PSMA3: variants seen among roughly 807,000 people sequenced by gnomAD.
The protein encoded by PSMA3 is proteasome 20S subunit alpha 3.
Under a neutral mutation model 40.0 loss-of-function variants are expected in PSMA3, and 8 were observed. The ratio of observed to expected loss-of-function variants is 0.20; its 90% CI spans 0.12 to 0.36. The LOEUF (loss-of-function observed/expected upper bound fraction) is 0.36. Ranked by LOEUF, PSMA3 falls within the 10% of genes least tolerant of loss-of-function variation. PSMA3 has a pLI of 1.00. For synonymous variants in PSMA3, 110 were observed against 100.0 expected (o/e 1.10, Z -0.59); for missense variants, 219 against 310.6 (o/e 0.70, Z 2.22).
At chr14:58,245,687 T>A (rs1269167361) in intron 1 of PSMA3, among the ~76,000 whole-genome samples, 1 of 152,236 alleles carries the variant, frequency 6.6e-6, no homozygotes, top group Non-Finnish European at 1.5e-5. Context: ...GTGCAGTCAG[T>A]TTACTCCTTT....
intron 7 of PSMA3, chr14:58,265,401 TCA>T (rs1466737682): frequency 2.0e-5 from 3 of 152,336 alleles, no homozygotes; most frequent in Admixed American, 1.3e-4. Context: ...AGGAACACTT[TCA>T]GTTTGTGACA....
At chr14:58,248,586 T>C (rs1237868101) in intron 2 of PSMA3, among the ~76,000 whole-genome samples, 1 of 152,172 alleles carries the variant, frequency 6.6e-6, no homozygotes, top group Non-Finnish European at 1.5e-5. Context: ...TTTTAAAAAG[T>C]CAGATTTATG....
chr14:58,249,050 C>G (rs1889941840), intron 2 of PSMA3, among the ~76,000 whole-genome samples: 1 of 152,150 alleles, frequency 6.6e-6, no homozygotes, highest in Admixed American at 6.5e-5. Context: ...ACCGCAACCT[C>G]TGCCTCCCAG....
intron 7 of PSMA3, chr14:58,264,864 G>A (rs1398470092): frequency 1.3e-5 from 2 of 152,156 alleles, no homozygotes; most frequent in African/African-American, 4.8e-5. Flanking sequence ...TTAGACCTAT[G>A]TTCTTTTCCA....
At chr14:58,271,059 G>A in intron 10 of PSMA3, 61 bp downstream of exon 10, 3 of 1,305,646 alleles carry the variant, frequency 2.3e-6, no homozygotes, top group Non-Finnish European at 3.2e-6. Context: ...CTTAGCCCAG[G>A]AGTTTGAGAC....
intron 10 of PSMA3, 76 bp downstream of exon 10, chr14:58,271,074 C>T: frequency 2.9e-6 from 3 of 1,028,572 alleles, no homozygotes; most frequent in Non-Finnish European, 4.2e-6. Flanking sequence ...TGAGACCAGC[C>T]TGAGCAGCAC....
intron 7 of PSMA3, chr14:58,266,030 G>A (rs12892257): frequency 0.53 from 81,092 of 151,958 alleles, 21,956 homozygotes; most frequent in Middle Eastern, 0.68. Context: ...AACTGCCTAA[G>A]CAGTTTCTAC....
At chr14:58,263,684 T>C (rs1218483019) in intron 6 of PSMA3, 21 bp from the exon 7 acceptor site, 22 of 1,585,312 alleles carry the variant, frequency 1.4e-5, no homozygotes, top group South Asian at 2.2e-5. Flanking sequence ...TCAGTGATTA[T>C]ATATATTTTT....
chr14:58,245,731 A>G (rs1166435910), intron 1 of PSMA3, among the ~76,000 whole-genome samples: 1 of 152,172 alleles, frequency 6.6e-6, no homozygotes. Flanking sequence ...TACAGTTTCT[A>G]AAAGATTTAT....
At chr14:58,262,935 G>A (rs1890324862) in intron 6 of PSMA3, among the ~76,000 whole-genome samples, 1 of 150,830 alleles carries the variant, frequency 6.6e-6, no homozygotes, top group East Asian at 1.9e-4. Context: ...TGAAGAAAAT[G>A]AAGATTCTTA....
chr14:58,263,930 A>G (rs1193130197), intron 7 of PSMA3, among the ~76,000 whole-genome samples, 160 bp downstream of exon 7: 1 of 152,210 alleles, frequency 6.6e-6, no homozygotes, highest in East Asian at 1.9e-4. Flanking sequence ...TGAGCTTAAA[A>G]AAAAATCTCA....
At chr14:58,263,613 A>G (rs78174924) in intron 6 of PSMA3, 92 bp from the exon 7 acceptor site, 12,344 of 987,380 alleles carry the variant, frequency 0.013, 86 homozygotes, top group Non-Finnish European at 0.015. Flanking sequence ...GTCATTTAGC[A>G]TCCTTTCACT....
At chr14:58,256,416 C>CTTTTT (rs377353285) in intron 3 of PSMA3, among the ~76,000 whole-genome samples, 2 of 136,650 alleles carry the variant, frequency 1.5e-5, no homozygotes, top group East Asian at 4.2e-4. Flanking sequence ...TGAGCATTTC[C>CTTTTT]TTTTTTTTTT....
At chr14:58,263,940 A>G (rs942137942) in intron 7 of PSMA3, among the ~76,000 whole-genome samples, 170 bp downstream of exon 7, 3 of 152,172 alleles carry the variant, frequency 2.0e-5, no homozygotes, top group Admixed American at 6.5e-5. Context: ...AAAAAATCTC[A>G]TCATGTGTTA....
At chr14:58,268,709 C>T (rs570243633) in intron 8 of PSMA3, 1 of 152,192 alleles carries the variant, frequency 6.6e-6, no homozygotes, top group Non-Finnish European at 1.5e-5. Flanking sequence ...TTCTTACCAT[C>T]TTTTATATTT....
At chr14:58,260,882 A>ATT in intron 5 of PSMA3, 66 bp from the exon 6 acceptor site, 1 of 1,191,076 alleles carries the variant, frequency 8.4e-7, no homozygotes, top group South Asian at 1.3e-5. Flanking sequence ...GCATTTTAAA[A>ATT]TAATTTTTTC....
In PSMA3 at chr14:58,261,524, T is replaced by A. The variant is rs186642200; in HGVS notation, c.477+504T>A. Among the ~76,000 whole-genome samples the A allele has an allele frequency of 5.1e-3, 774 of 152,324 alleles. 5 individuals carry two copies. Among genetic ancestry groups the A allele is most frequent in the African/African-American group, 0.017 (721 of 41,574 alleles). ...ACTGATACGAGGCAGAGGAAAGATT[T>A]TTTTTCAGTATGTTATTTATAGAAA... is the stretch of plus-strand genomic sequence containing the variant. On this transcript the variant is annotated intron_variant, in intron 6 of 10. Transcript: ENST00000216455.
rs997446099 is a variant in PSMA3 at position 58,257,835 on chromosome 14, A to G, written c.319A>G (p.Ile107Val). 1.5e-5 allele frequency: 25 copies of G among 1,613,258 alleles called. No individual in the cohort carries two copies. Among genetic ancestry groups the G allele is most frequent in the Non-Finnish European group, 2.0e-5 (24 of 1,179,356 alleles). ...CTTCAGATCTAACTTTGGCTACAAC[A>G]TTCCACTAAAAGTAAGTTGATAACA... ...SNFRSNFGYNIPLKHLADRVA... is the reference protein window; with the variant it reads ...SNFRSNFGYNVPLKHLADRVA... The change falls in exon 4 of 11, where the codon ATT (isoleucine) becomes GTT (valine). Residue 107 changes from isoleucine to valine, a missense_variant. Transcript: ENST00000216455.
At chr14:58,269,133 C>A (rs1890535933) in intron 8 of PSMA3, among the ~76,000 whole-genome samples, 1 of 152,210 alleles carries the variant, frequency 6.6e-6, no homozygotes, top group Non-Finnish European at 1.5e-5. Context: ...CAGGCTTTAC[C>A]ATCTTGGCCA....
Sources: gnomAD v4.1 joint callset for allele counts (sites outside exome capture counted in the v4.1 genomes callset) on GRCh38, gnomAD v4.1.1 for gene constraint, MANE v1.5 for transcripts, NCBI Gene and HGNC (gene_info 2026-07-23, HGNC 2026-07-21) for gene names.